The following RBM43 variants were observed in gnomAD, a reference collection of about 807,000 sequenced individuals.
The protein encoded by RBM43 is RNA binding motif protein 43, also known as RNA-binding protein 43.
A neutral mutation model predicts 12.4 loss-of-function variants in RBM43; 12 were observed. The observed-to-expected ratio is 0.97, with a 90% confidence interval of 0.62 to 1.57. The LOEUF (loss-of-function observed/expected upper bound fraction) is 1.57. Ranked by LOEUF, RBM43 falls within the 40% of genes most tolerant of loss-of-function variation. The probability of loss-of-function intolerance (pLI) is 0.00; values close to 1 mark genes in which losing one functional copy is unlikely to be tolerated. For synonymous variants in RBM43, 138 were observed against 145.7 expected (o/e 0.95, Z 0.38); for missense variants, 348 against 400.1 (o/e 0.87, Z 1.11).
Position 151,250,813 on chromosome 2 carries a change from T to C in RBM43, c.*93A>G. ...AAAGAAGGATGACTATAAGGATTCA[T>C]GAGATACGGTGTGTAAAGCTAGCCT... On this transcript the variant is annotated 3_prime_UTR_variant, in exon 4 of 4. Transcript: ENST00000331426. The C allele has an allele frequency of 1.2e-6, 1 of 842,576 alleles. No individual in the cohort carries two copies. The highest frequency in any genetic ancestry group is 1.9e-6 in the Non-Finnish European group (1 of 531,822). 52.2% of individuals were successfully genotyped at this position (842,576 alleles called of 1,614,324 possible).
At chr2:151,252,349 C>A (rs917805930) in intron 3 of RBM43, among the ~76,000 whole-genome samples, 3 of 151,916 alleles carry the variant, frequency 2.0e-5, no homozygotes, top group Admixed American at 2.0e-4. Flanking sequence ...ATAGGGACAC[C>A]CTGTCTCTAC....
chr2:151,258,384 T>TAAAA (rs113416005), intron 1 of RBM43, among the ~76,000 whole-genome samples: 1 of 141,540 alleles, frequency 7.1e-6, no homozygotes, highest in Non-Finnish European at 1.5e-5. Flanking sequence ...TATTTTACTT[T>TAAAA]AAAAAAAAAA....
At chr2:151,256,608 C>T (rs1322462231) in intron 1 of RBM43, among the ~76,000 whole-genome samples, 1 of 152,096 alleles carries the variant, frequency 6.6e-6, no homozygotes, top group African/African-American at 2.4e-5. Flanking sequence ...CACCTGACAT[C>T]AGGAGTTCCA....
At chr2:151,256,995 G>C (rs537803899) in intron 1 of RBM43, among the ~76,000 whole-genome samples, 1 of 152,208 alleles carries the variant, frequency 6.6e-6, no homozygotes, top group South Asian at 2.1e-4. Context: ...CCTTTGTTGG[G>C]CTCAATCTCT....
chr2:151,253,868 A>G (rs1032787885), intron 2 of RBM43, among the ~76,000 whole-genome samples: 2 of 151,408 alleles, frequency 1.3e-5, no homozygotes, highest in Admixed American at 1.3e-4. Flanking sequence ...CATGCTCCCC[A>G]CTCACAAAAT....
At chr2:151,257,333 A>G (rs113639778) in intron 1 of RBM43, among the ~76,000 whole-genome samples, 1 of 140,436 alleles carries the variant, frequency 7.1e-6, no homozygotes, top group African/African-American at 2.7e-5. Flanking sequence ...CACACACACA[A>G]ACACACACAC....
At chr2:151,253,902 A>C (rs2105190472) in intron 2 of RBM43, among the ~76,000 whole-genome samples, 1 of 151,986 alleles carries the variant, frequency 6.6e-6, no homozygotes, top group South Asian at 2.1e-4. Flanking sequence ...CTTGGCCTAG[A>C]ATGTTCTCCC....
intron 2 of RBM43, among the ~76,000 whole-genome samples, chr2:151,254,279 C>T (rs1452914551): frequency 7.5e-6 from 1 of 133,544 alleles, no homozygotes; most frequent in Non-Finnish European, 1.6e-5. Flanking sequence ...AATGAATGAC[C>T]GAGGCCAATC....
At chr2:151,252,995 C>T (rs1342176334) in intron 2 of RBM43, 140 bp from the exon 3 acceptor site, 2 of 538,868 alleles carry the variant, frequency 3.7e-6, no homozygotes, top group Non-Finnish European at 3.3e-6. Flanking sequence ...ATTCAAATCA[C>T]TTTTTTGTTG....
At chr2:151,260,776 TAAAG>T (rs1031316238) in intron 1 of RBM43, among the ~76,000 whole-genome samples, 5 of 152,184 alleles carry the variant, frequency 3.3e-5, no homozygotes, top group Non-Finnish European at 5.9e-5. Context: ...ACGATTAAGA[TAAAG>T]AAATGCCTAG....
intron 2 of RBM43, among the ~76,000 whole-genome samples, chr2:151,253,710 A>C (rs1040565596): frequency 1.2e-4 from 18 of 152,120 alleles, no homozygotes; most frequent in Non-Finnish European, 4.4e-5. Flanking sequence ...TCACCCCAGA[A>C]TAAAATCCCA....
At chr2:151,257,125 A>G (rs554999569) in intron 1 of RBM43, among the ~76,000 whole-genome samples, 3 of 152,330 alleles carry the variant, frequency 2.0e-5, no homozygotes, top group African/African-American at 7.2e-5. Context: ...CCCGAGCTCA[A>G]ACATAAACTG....
In RBM43 at chr2:151,251,429, T is replaced by C. The variant is rs2105189023; in HGVS notation, c.551A>G (p.Glu184Gly). The C allele has an allele frequency of 6.2e-7, 1 of 1,614,196 alleles. No individual in the cohort carries two copies. The change falls in exon 4 of 4, where the codon GAG becomes GGG. Residue 184 changes from glutamate (E) to glycine (G), a missense_variant. Glu to Gly is a moderately conservative substitution (Grantham distance 98). Coordinates refer to ENST00000331426, the MANE Select transcript of RBM43 (RefSeq NM_198557.3). ...LEKDRNFTSEERKWNRQNPQR... is the reference protein window; with the variant it reads ...LEKDRNFTSEGRKWNRQNPQR... ...GGGATTTTGTCTATTCCACTTTCTC[T>C]CCTCACTGGTAAAATTTCTGTCTTT...
rs1444209285 is a variant in RBM43 at position 151,251,451 on chromosome 2, C to G, written c.529G>C (p.Asp177His). ...LARACSLLEKDRNFTSEERKW... is the reference protein window; with the variant it reads ...LARACSLLEKHRNFTSEERKW... ...CTCTCCTCACTGGTAAAATTTCTGT[C>G]TTTTTCTAAGAGAGAACATGCTCTT... Residue 177 changes from aspartate to histidine, a missense_variant, in exon 4 of 4, where the codon GAC becomes CAC. Asp to His is a moderately conservative substitution (Grantham distance 81, BLOSUM62 -1). Coordinates refer to ENST00000331426, the MANE Select transcript of RBM43 (RefSeq NM_198557.3). 5 of 1,614,026 alleles carry G rather than the reference C, an allele frequency of 3.1e-6. No individual in the cohort carries two copies. The highest frequency in any genetic ancestry group is 3.4e-6 in the Non-Finnish European group (4 of 1,180,020).
chr2:151,260,109 T>G (rs403411), intron 1 of RBM43, among the ~76,000 whole-genome samples: 2 of 150,926 alleles, frequency 1.3e-5, no homozygotes, highest in African/African-American at 2.4e-5. Flanking sequence ...CGTGATCCGC[T>G]CCCCCCTCGG....
intron 1 of RBM43, 38 bp from the exon 2 acceptor site, chr2:151,255,781 A>G: frequency 7.3e-7 from 1 of 1,361,686 alleles, no homozygotes. Context: ...TAAAAACACA[A>G]GACTCTATAT....
intron 2 of RBM43, among the ~76,000 whole-genome samples, chr2:151,254,453 C>T (rs974221288): frequency 2.2e-4 from 33 of 152,184 alleles, no homozygotes; most frequent in Admixed American, 1.3e-4. Context: ...GAAGGAATGA[C>T]TTAATTAATG....
intron 3 of RBM43, among the ~76,000 whole-genome samples, chr2:151,252,209 G>A (rs1160769611): frequency 2.0e-5 from 3 of 152,060 alleles, no homozygotes; most frequent in Non-Finnish European, 4.4e-5. Context: ...GACAGTATAA[G>A]CGTTTACCAT....
chr2:151,250,932 T>C lies in RBM43; in HGVS notation c.1048A>G (p.Lys350Glu), dbSNP rs1682891481. The change falls in exon 4 of 4, where the codon AAA becomes GAA. Residue 350 changes from lysine (K) to glutamate (E), a missense_variant. By Grantham distance (56) the Lys-to-Glu change is moderately conservative (BLOSUM62 1). Coordinates refer to ENST00000331426, the MANE Select transcript of RBM43 (RefSeq NM_198557.3). ...TAACTAACCTTTTGCCCTATTAATT[T>C]CATGACCCCTTTTTTAAACAGGTAA... ...DTYLFKKGVM[K>E]LIGQKVS 6.3e-7 allele frequency: 1 copy of C among 1,598,150 alleles called. No individual in the cohort carries two copies. The highest frequency in any genetic ancestry group is 1.7e-5 in the Admixed American group (1 of 57,484).
Sources: allele counts gnomAD v4.1 joint callset (sites outside exome capture counted in the v4.1 genomes callset), GRCh38; gene constraint gnomAD v4.1.1; transcripts MANE v1.5; gene names NCBI Gene and HGNC (gene_info 2026-07-23, HGNC 2026-07-21).